The following DIAPH2 variants were observed in gnomAD, a reference collection of about 807,000 sequenced individuals.
The protein encoded by DIAPH2 is diaphanous related formin 2.
DIAPH2 carries 35 observed loss-of-function variants against 92.7 expected under a neutral mutation model. That is an observed-to-expected ratio of 0.38 (90% CI 0.29 to 0.50). DIAPH2 has a LOEUF of 0.50. Ranked by LOEUF, DIAPH2 falls within the 20% of genes least tolerant of loss-of-function variation. The probability of loss-of-function intolerance (pLI) is 0.94; values close to 1 mark genes in which losing one functional copy is unlikely to be tolerated. For missense variants in DIAPH2, 701 were observed against 819.5 expected (o/e 0.86, Z 1.77); for synonymous variants, 301 against 280.4 (o/e 1.07, Z -0.73).
intron 22 of DIAPH2, among the ~76,000 whole-genome samples, chrX:97,227,221 C>G (rs1438397072): frequency 1.8e-5 from 2 of 110,959 alleles, no homozygotes; most frequent in Non-Finnish European, 3.8e-5. Flanking sequence ...TTACAGTGAG[C>G]CGAGATCACG....
At chrX:97,258,574 A>C (rs2147565735) in intron 23 of DIAPH2, among the ~76,000 whole-genome samples, 1 of 105,591 alleles carries the variant, frequency 9.5e-6, no homozygotes, top group African/African-American at 3.5e-5. Context: ...CTCCGCCTCA[A>C]AAAAAATAAT....
chrX:97,238,168 T>C (rs1445794437), intron 22 of DIAPH2, among the ~76,000 whole-genome samples: 1 of 112,179 alleles, frequency 8.9e-6, no homozygotes, highest in Non-Finnish European at 1.9e-5. Flanking sequence ...AATTTTCTTA[T>C]TGCAAATTAT....
intron 4 of DIAPH2, among the ~76,000 whole-genome samples, chrX:96,851,703 T>G (rs923061017): frequency 4.5e-5 from 5 of 112,190 alleles, no homozygotes; most frequent in Non-Finnish European, 9.4e-5. Context: ...GATCTGCAAC[T>G]GGCTGAATCC....
chrX:96,704,971 G>GTTTTT (rs397896760), intron 1 of DIAPH2, among the ~76,000 whole-genome samples: 2 of 84,578 alleles, frequency 2.4e-5, no homozygotes, highest in East Asian at 4.1e-4. Context: ...AAAACAGAGG[G>GTTTTT]TTTTTTTTTT....
intron 7 of DIAPH2, among the ~76,000 whole-genome samples, chrX:96,913,684 CTCTT>C (rs1440449020): frequency 9.0e-6 from 1 of 110,861 alleles, no homozygotes; most frequent in Non-Finnish European, 1.9e-5. Flanking sequence ...ATTGAGATTT[CTCTT>C]TCTTTTATGT....
chrX:96,700,917 T>C (rs1046663917), intron 1 of DIAPH2, among the ~76,000 whole-genome samples: 1 of 112,316 alleles, frequency 8.9e-6, no homozygotes, highest in Admixed American at 9.5e-5. Context: ...TATTTTTACA[T>C]TTAGGGCTAC....
chrX:97,155,832 A>C (rs768953454), intron 22 of DIAPH2, among the ~76,000 whole-genome samples: 2 of 111,998 alleles, frequency 1.8e-5, no homozygotes, highest in Non-Finnish European at 3.8e-5. Context: ...CTTTTTTTTA[A>C]AGAAGGAAGA....
chrX:97,185,463 A>ATG (rs2067589201), intron 22 of DIAPH2, among the ~76,000 whole-genome samples: 15 of 30,158 alleles, frequency 5.0e-4, no homozygotes, highest in African/African-American at 1.6e-3. Flanking sequence ...GTGTATATAT[A>ATG]TATATATACA....
intron 5 of DIAPH2, among the ~76,000 whole-genome samples, chrX:96,902,932 G>C (rs752840633): frequency 9.0e-6 from 1 of 111,304 alleles, no homozygotes; most frequent in African/African-American, 3.3e-5. Flanking sequence ...TTTTAGGTTT[G>C]GTTTCAGTTA....
At chrX:96,752,368 T>G (rs2147589915) in intron 3 of DIAPH2, among the ~76,000 whole-genome samples, 1 of 112,365 alleles carries the variant, frequency 8.9e-6, no homozygotes, top group Non-Finnish European at 1.9e-5. Context: ...AAATATCACA[T>G]TGGTTCAACA....
intron 5 of DIAPH2, among the ~76,000 whole-genome samples, chrX:96,898,410 T>C (rs2065363844): frequency 1.2e-5 from 1 of 85,190 alleles, no homozygotes; most frequent in Non-Finnish European, 2.5e-5. Context: ...TTTTTAATGA[T>C]TGCCATTCTA....
chrX:97,251,253 CAG>C (rs926635003), intron 23 of DIAPH2, among the ~76,000 whole-genome samples: 21 of 111,733 alleles, frequency 1.9e-4, no homozygotes, highest in African/African-American at 6.8e-4. Context: ...CTCAAAGAAA[CAG>C]GGAAAAACCA....
At chrX:97,358,775 C>T (rs1243716295) in intron 24 of DIAPH2, among the ~76,000 whole-genome samples, 1 of 110,987 alleles carries the variant, frequency 9.0e-6, no homozygotes, top group Non-Finnish European at 1.9e-5. Flanking sequence ...AAAAAACTGT[C>T]GACTGCAATT....
At chrX:96,693,027 A>G (rs1036422006) in intron 1 of DIAPH2, among the ~76,000 whole-genome samples, 23 of 111,948 alleles carry the variant, frequency 2.1e-4, no homozygotes, top group Non-Finnish European at 3.8e-4. Flanking sequence ...AGACTACACT[A>G]ATGAGGTGAT....
intron 25 of DIAPH2, among the ~76,000 whole-genome samples, chrX:97,422,807 A>C (rs1475252401): frequency 8.9e-6 from 1 of 111,785 alleles, no homozygotes; most frequent in Non-Finnish European, 1.9e-5. Flanking sequence ...ATGTTTGATA[A>C]AAAGGAAGGA....
chrX:96,730,115 A>G (rs1371097472), intron 1 of DIAPH2, among the ~76,000 whole-genome samples: 1 of 111,925 alleles, frequency 8.9e-6, no homozygotes, highest in African/African-American at 3.2e-5. Flanking sequence ...GTGGCTGAAA[A>G]TGACTCTTAC....
chrX:96,900,427 T>G (rs1346477200), intron 5 of DIAPH2, among the ~76,000 whole-genome samples: 2 of 111,481 alleles, frequency 1.8e-5, no homozygotes, highest in African/African-American at 6.5e-5. Context: ...CAGTAACAGT[T>G]TGATTTCCTC....
At chrX:97,043,444 G>A (rs2066460702) in intron 17 of DIAPH2, among the ~76,000 whole-genome samples, 1 of 110,534 alleles carries the variant, frequency 9.0e-6, no homozygotes, top group African/African-American at 3.3e-5. Context: ...TCCTGGGGGG[G>A]ATGTACATTC....
chrX:97,386,348 A>G (rs1394128776), intron 25 of DIAPH2, among the ~76,000 whole-genome samples: 4 of 112,022 alleles, frequency 3.6e-5, no homozygotes, highest in South Asian at 7.5e-4. Flanking sequence ...GGAAGTTATC[A>G]TTGAAAAGGT....
Sources: allele counts gnomAD v4.1 joint callset (sites outside exome capture counted in the v4.1 genomes callset), GRCh38; gene constraint gnomAD v4.1.1; transcripts MANE v1.5; gene names NCBI Gene and HGNC (gene_info 2026-07-23, HGNC 2026-07-21).